Variants in CRACD observed in about 807,000 individuals in gnomAD.
CRACD encodes the protein capping protein inhibiting regulator of actin dynamics.
A neutral mutation model predicts 106.8 loss-of-function variants in CRACD; 56 were observed. That is an observed-to-expected ratio of 0.52 (90% confidence interval 0.42 to 0.66). The LOEUF (loss-of-function observed/expected upper bound fraction) is 0.66. Among genes scored for constraint, CRACD ranks in the 30% least tolerant of loss-of-function variants. The pLI is 0.00. For synonymous variants in CRACD, 754 were observed against 670.8 expected, an observed-to-expected ratio of 1.12 and a Z score of -1.92; for missense variants, 1,730 against 1,623.2, an observed-to-expected ratio of 1.07 and a Z score of -1.13.
intron 10 of CRACD, among the ~76,000 whole-genome samples, chr4:56,325,284 G>A (rs1440589022): frequency 6.6e-6 from 1 of 152,184 alleles, no homozygotes; most frequent in Admixed American, 6.5e-5. Flanking sequence ...GCAGTGAGCC[G>A]AGATCGTGCC....
chr4:56,318,523 T>G (rs567022151), intron 8 of CRACD, among the ~76,000 whole-genome samples: 19 of 152,338 alleles, frequency 1.2e-4, no homozygotes, highest in African/African-American at 4.3e-4. Flanking sequence ...GAAGTCATGC[T>G]TCTGCTCACT....
At chr4:56,185,955 A>AC (rs1044067744) in intron 2 of CRACD, among the ~76,000 whole-genome samples, 1 of 152,140 alleles carries the variant, frequency 6.6e-6, no homozygotes, top group African/African-American at 2.4e-5. Flanking sequence ...TTTGAGGAAT[A>AC]CTTTACACTG....
chr4:56,171,837 T>C (rs1466195413), intron 1 of CRACD, among the ~76,000 whole-genome samples: 1 of 152,060 alleles, frequency 6.6e-6, no homozygotes, highest in African/African-American at 2.4e-5. Context: ...TGAATATGTT[T>C]CCATGTGCTC....
intron 2 of CRACD, among the ~76,000 whole-genome samples, chr4:56,243,783 T>C (rs1268523588): frequency 3.3e-5 from 5 of 152,170 alleles, no homozygotes; most frequent in Admixed American, 3.3e-4. Context: ...ACAATCCAAT[T>C]ACACTCTTTA....
chr4:56,137,493 C>T (rs532392990), intron 1 of CRACD, among the ~76,000 whole-genome samples: 61 of 152,254 alleles, frequency 4.0e-4, no homozygotes, highest in African/African-American at 1.4e-3. Flanking sequence ...CAGGGCTCAC[C>T]TCCTTTATCT....
Position 56,308,801 on chromosome 4 carries a change from G to C in CRACD, c.285+1102G>C, listed in dbSNP as rs1744932758. ...CTCTTCCCAACCTCTCCAGTGCTAGGCAGAAGCAACAGCCATCGCCTTGGT... is the reference window on the plus strand; with the variant it reads ...CTCTTCCCAACCTCTCCAGTGCTAGCCAGAAGCAACAGCCATCGCCTTGGT... On this transcript the variant is annotated intron_variant, in intron 5 of 10. Transcript: ENST00000682029. The C allele has an allele frequency of 3.9e-6, 5 of 1,273,792 alleles. No homozygotes were observed. In the African/African-American group the frequency reaches 7.6e-5, roughly 19 times the overall value. The allele number at this position is 1,273,792 out of a possible 1,614,324, so 78.9% of individuals were successfully genotyped here.
At chr4:56,063,775 C>T (rs180698309) in intron 1 of CRACD, among the ~76,000 whole-genome samples, 2 of 152,160 alleles carry the variant, frequency 1.3e-5, no homozygotes, top group East Asian at 3.9e-4. Context: ...GTTGTTTCTG[C>T]CTTTGGGCTA....
chr4:56,292,679 C>T (rs1743767525), intron 3 of CRACD, among the ~76,000 whole-genome samples: 1 of 152,102 alleles, frequency 6.6e-6, no homozygotes, highest in Admixed American at 6.6e-5. Context: ...CGCCTGCCAC[C>T]ACGCCCAGCT....
chr4:56,213,396 A>C (rs1007299443), intron 2 of CRACD, among the ~76,000 whole-genome samples: 4 of 152,210 alleles, frequency 2.6e-5, no homozygotes, highest in African/African-American at 9.6e-5. Flanking sequence ...CAGTGAGCCA[A>C]GATCACGCCA....
intron 4 of CRACD, among the ~76,000 whole-genome samples, chr4:56,304,705 C>A (rs190403436): frequency 5.3e-5 from 8 of 152,012 alleles, no homozygotes; most frequent in Non-Finnish European, 1.2e-4. Flanking sequence ...TTCCTTGAGC[C>A]CAGGAGTTTG....
chr4:56,151,390 G>A (rs938034927), intron 1 of CRACD, among the ~76,000 whole-genome samples: 2 of 151,854 alleles, frequency 1.3e-5, no homozygotes, highest in African/African-American at 2.4e-5. Flanking sequence ...TTATTATAAC[G>A]CATTGCCTTT....
At chr4:56,206,244 A>C (rs1012020303) in intron 2 of CRACD, among the ~76,000 whole-genome samples, 1 of 152,200 alleles carries the variant, frequency 6.6e-6, no homozygotes, top group African/African-American at 2.4e-5. Context: ...TCTCTCTCTT[A>C]TAACAGCTCA....
intron 3 of CRACD, among the ~76,000 whole-genome samples, chr4:56,280,941 C>T (rs902564331): frequency 3.3e-5 from 5 of 152,156 alleles, no homozygotes; most frequent in Non-Finnish European, 7.4e-5. Flanking sequence ...CCTTAGGAAG[C>T]TGGGATGTGC....
At chr4:56,306,637 G>A (rs553643541) in intron 4 of CRACD, among the ~76,000 whole-genome samples, 3 of 152,302 alleles carry the variant, frequency 2.0e-5, no homozygotes, top group East Asian at 3.9e-4. Flanking sequence ...CTCAGCTGGG[G>A]GCAATTTTAC....
rs1745576509 is a variant in CRACD at position 56,315,644 on chromosome 4, A to G, written c.2142A>G (p.Pro714=). 1 of 1,614,102 alleles carries G rather than the reference A, an allele frequency of 6.2e-7. No homozygotes were observed. Among genetic ancestry groups the G allele is most frequent in the Admixed American group, 1.7e-5 (1 of 60,012 alleles). Residue 714 remains proline (P), a synonymous_variant, in exon 8 of 11, where the codon CCA becomes CCG. Transcript: ENST00000682029. The surrounding 1 kb of genome is among the most constrained non-coding windows in gnomAD (Gnocchi z 4.1). Reference sequence around the variant, plus strand: ...GCGGGAACCAACGGAAGACTCCGCCAGTCAATGCAAAGTTCTCTATTATGC... The same window carrying G: ...GCGGGAACCAACGGAAGACTCCGCCGGTCAATGCAAAGTTCTCTATTATGC... ...DSRGNQRKTP[P]VNAKFSIMPA... is the part of the protein sequence containing the mutation.
intron 4 of CRACD, chr4:56,301,093 A>C (rs1744340330): frequency 2.0e-6 from 1 of 505,388 alleles, no homozygotes; most frequent in East Asian, 7.1e-5. Context: ...TATACTTTTG[A>C]AAACATAAAA....
At chr4:56,215,555 G>T (rs1180804126) in intron 2 of CRACD, among the ~76,000 whole-genome samples, 1 of 152,084 alleles carries the variant, frequency 6.6e-6, no homozygotes, top group Non-Finnish European at 1.5e-5. Context: ...TTTGTATCTT[G>T]TCTCTTCAAC....
At chr4:56,310,066 G>A (rs748354705) in intron 5 of CRACD, among the ~76,000 whole-genome samples, 2 of 151,800 alleles carry the variant, frequency 1.3e-5, no homozygotes, top group African/African-American at 2.4e-5. Flanking sequence ...GAGGCATAGT[G>A]GGCCATATGA....
chr4:56,290,569 C>T (rs191767791), intron 3 of CRACD, among the ~76,000 whole-genome samples: 13 of 152,232 alleles, frequency 8.5e-5, no homozygotes, highest in Admixed American at 7.8e-4. Context: ...CTGCAGGAGG[C>T]AGTGAAAAGT....
Sources: allele counts gnomAD v4.1 joint callset (sites outside exome capture counted in the v4.1 genomes callset), GRCh38; gene constraint gnomAD v4.1.1; non-coding constraint Gnocchi (gnomAD v3.1); transcripts MANE v1.5; gene names NCBI Gene and HGNC (gene_info 2026-07-23, HGNC 2026-07-21).